ANTXR2: variants seen among roughly 807,000 people sequenced by gnomAD.
The protein encoded by ANTXR2 is anthrax toxin receptor 2.
In ANTXR2, 44 loss-of-function variants were observed where a neutral mutation model predicts 73.7. The observed-to-expected ratio is 0.60, with a 90% confidence interval of 0.47 to 0.77. The LOEUF (loss-of-function observed/expected upper bound fraction) is 0.77, where lower values mean the gene tolerates loss of function less well. ANTXR2 is among the 30% of genes least tolerant of loss of function. The probability of loss-of-function intolerance (pLI) is 0.00; values close to 1 mark genes in which losing one functional copy is unlikely to be tolerated. For missense variants in ANTXR2, 604 were observed against 592.5 expected, an observed-to-expected ratio of 1.02 and a Z score of -0.20; for synonymous variants, 217 against 205.9, an observed-to-expected ratio of 1.05 and a Z score of -0.46.
chr4:79,920,272 C>T (rs185072854), intron 16 of ANTXR2, among the ~76,000 whole-genome samples: 76 of 152,028 alleles, frequency 5.0e-4, no homozygotes, highest in African/African-American at 1.8e-3. Flanking sequence ...GTGTCTGGGA[C>T]ATATTATGCC....
chr4:80,015,674 A>G (rs988889833), intron 11 of ANTXR2, among the ~76,000 whole-genome samples: 1 of 151,968 alleles, frequency 6.6e-6, no homozygotes, highest in Non-Finnish European at 1.5e-5. Flanking sequence ...CCAGCTAATA[A>G]TTCTGCCAAG....
intron 10 of ANTXR2, among the ~76,000 whole-genome samples, chr4:80,023,072 T>G (rs1331772905): frequency 6.6e-6 from 1 of 152,202 alleles, no homozygotes; most frequent in Non-Finnish European, 1.5e-5. Context: ...ACCTTTTAGA[T>G]CCAAGCTAAG....
In ANTXR2 at chr4:79,936,715, CAATT is replaced by C. The variant is rs137872712; in HGVS notation, c.1429-29252_1429-29249del. ...ACTAACACATGAAATAATTAGAAAA[CAATT>C]AATTTAAAAATTACTGCACAATATT... On this transcript the variant is annotated intron_variant, in intron 16 of 16. Coordinates refer to ENST00000403729, the MANE Select transcript of ANTXR2 (RefSeq NM_058172.6). 4.0e-3 allele frequency among the ~76,000 whole-genome samples: 607 copies of C among 152,168 alleles called. 1 individual carries two copies. Among genetic ancestry groups the C allele is most frequent in the Non-Finnish European group, 6.1e-3 (413 of 67,936 alleles).
intron 3 of ANTXR2, among the ~76,000 whole-genome samples, chr4:80,062,065 G>GT: frequency 6.6e-6 from 1 of 152,184 alleles, no homozygotes; most frequent in East Asian, 1.9e-4. Context: ...GAACTAATGG[G>GT]TTTTAGCTGT....
chr4:80,004,542 G>T (rs887274380), intron 12 of ANTXR2, among the ~76,000 whole-genome samples: 2 of 152,120 alleles, frequency 1.3e-5, no homozygotes, highest in African/African-American at 4.8e-5. Flanking sequence ...TCTAGTGGCT[G>T]CCAGCATTCC....
At chr4:79,931,034 A>T (rs1232044584) in intron 16 of ANTXR2, among the ~76,000 whole-genome samples, 5 of 152,210 alleles carry the variant, frequency 3.3e-5, no homozygotes, top group African/African-American at 1.2e-4. Context: ...CCTAAATAGA[A>T]TTGTAATATT....
Position 79,980,340 on chromosome 4 carries a change from T to A in ANTXR2, c.1180-2166A>T, listed in dbSNP as rs957321964. Among the ~76,000 whole-genome samples, 3 of 152,148 alleles carry A rather than the reference T, an allele frequency of 2.0e-5. No individual in the cohort carries two copies. In the East Asian group the frequency reaches 5.8e-4, roughly 29 times the overall value. On this transcript the variant is annotated intron_variant, in intron 14 of 16. Coordinates refer to ENST00000403729, the MANE Select transcript of ANTXR2 (RefSeq NM_058172.6). The stretch of plus-strand genomic sequence containing the variant: ...TCAAACTCTTAAAAACAATTAAATA[T>A]ACATATATATGTGTATGTGTATGTA...
At chr4:79,996,582 G>A (rs1730741523) in intron 12 of ANTXR2, among the ~76,000 whole-genome samples, 1 of 151,770 alleles carries the variant, frequency 6.6e-6, no homozygotes, top group Admixed American at 6.6e-5. Flanking sequence ...AACCTCATGA[G>A]TAACAAAGAA....
chr4:79,987,520 AG>A (rs1730235631), intron 12 of ANTXR2, among the ~76,000 whole-genome samples: 1 of 152,188 alleles, frequency 6.6e-6, no homozygotes, highest in South Asian at 2.1e-4. Context: ...CATTTCTGAA[AG>A]AGATAGAGAA....
intron 16 of ANTXR2, among the ~76,000 whole-genome samples, chr4:79,917,244 C>G (rs1696503737): frequency 6.6e-6 from 1 of 152,008 alleles, no homozygotes; most frequent in Non-Finnish European, 1.5e-5. Flanking sequence ...ATTTCCTCCT[C>G]CAAAGGCACA....
chr4:80,017,831 A>G (rs902777791), intron 11 of ANTXR2, among the ~76,000 whole-genome samples: 45 of 152,206 alleles, frequency 3.0e-4, no homozygotes, highest in African/African-American at 1.1e-3. Flanking sequence ...CATGCGCTAG[A>G]AATGGGAGAA....
At chr4:79,998,666 G>A (rs1258385663) in intron 12 of ANTXR2, among the ~76,000 whole-genome samples, 1 of 151,932 alleles carries the variant, frequency 6.6e-6, no homozygotes, top group Non-Finnish European at 1.5e-5. Flanking sequence ...TTTTAACCTA[G>A]GGAAAAAGAC....
At chr4:80,020,297 G>T (rs1732095730) in intron 10 of ANTXR2, among the ~76,000 whole-genome samples, 1 of 152,002 alleles carries the variant, frequency 6.6e-6, no homozygotes, top group Non-Finnish European at 1.5e-5. Flanking sequence ...GTGGCAGGAG[G>T]ATCGCTTGAG....
chr4:80,063,831 G>A (rs1226962062), intron 3 of ANTXR2, among the ~76,000 whole-genome samples: 1 of 152,034 alleles, frequency 6.6e-6, no homozygotes, highest in African/African-American at 2.4e-5. Context: ...TAAGCATTTA[G>A]ATTGAATACA....
At chr4:79,916,217 A>G (rs1727349549) in intron 16 of ANTXR2, among the ~76,000 whole-genome samples, 1 of 152,104 alleles carries the variant, frequency 6.6e-6, no homozygotes, top group Admixed American at 6.6e-5. Context: ...AGTTAATGGT[A>G]CACCTAAACC....
chr4:80,014,551 C>T (rs908469241), intron 11 of ANTXR2, among the ~76,000 whole-genome samples: 14 of 151,876 alleles, frequency 9.2e-5, no homozygotes, highest in Admixed American at 2.6e-4. Flanking sequence ...ACCAACAGAA[C>T]AAGACTCAGT....
chr4:79,963,134 G>T (rs954811437), intron 16 of ANTXR2, among the ~76,000 whole-genome samples: 2 of 152,106 alleles, frequency 1.3e-5, no homozygotes, highest in Non-Finnish European at 2.9e-5. Context: ...TTAACATAAT[G>T]GAGTACAAAG....
chr4:80,014,244 T>C (rs1731731482), intron 11 of ANTXR2, among the ~76,000 whole-genome samples: 1 of 152,118 alleles, frequency 6.6e-6, no homozygotes, highest in Non-Finnish European at 1.5e-5. Context: ...ACTGTGGGTC[T>C]TGGATCTCCC....
chr4:79,911,449 AAAT>A (rs1288834174), intron 16 of ANTXR2, among the ~76,000 whole-genome samples: 4 of 151,980 alleles, frequency 2.6e-5, no homozygotes, highest in Non-Finnish European at 2.9e-5. Context: ...AATGTAACCT[AAAT>A]ATATAGAAGA....
Sources: gnomAD v4.1 joint callset for allele counts (sites outside exome capture counted in the v4.1 genomes callset) on GRCh38, gnomAD v4.1.1 for gene constraint, MANE v1.5 for transcripts, NCBI Gene and HGNC (gene_info 2026-07-23, HGNC 2026-07-21) for gene names.